Variants in SAMSN1 observed in about 807,000 individuals in gnomAD.
SAMSN1 encodes SAM domain-containing protein SAMSN-1.
A neutral mutation model predicts 42.0 loss-of-function variants in SAMSN1; 31 were observed. That is an observed-to-expected ratio of 0.74 (90% confidence interval 0.55 to 1.00). The LOEUF is 1.00. SAMSN1 is among the 50% of genes least tolerant of loss of function. The pLI is 0.00. For missense variants in SAMSN1, 464 were observed against 439.4 expected, an observed-to-expected ratio of 1.06 and a Z score of -0.50; for synonymous variants, 178 against 151.9, an observed-to-expected ratio of 1.17 and a Z score of -1.26.
intron 2 of SAMSN1, among the ~76,000 whole-genome samples, chr21:14,572,177 T>A (rs1981322519): frequency 6.6e-6 from 1 of 152,172 alleles, no homozygotes; most frequent in South Asian, 2.1e-4. Flanking sequence ...ATGATAAAAA[T>A]TTCCCTTGAA....
chr21:14,487,271 A>G (rs984081854), intron 7 of SAMSN1, among the ~76,000 whole-genome samples: 2 of 152,280 alleles, frequency 1.3e-5, no homozygotes, highest in Admixed American at 1.3e-4. Context: ...AGGAAAATGT[A>G]TAATTTTCTT....
intron 5 of SAMSN1, among the ~76,000 whole-genome samples, chr21:14,607,587 A>C (rs187907747): frequency 6.6e-6 from 1 of 152,310 alleles, no homozygotes; most frequent in Non-Finnish European, 1.5e-5. Flanking sequence ...CAAGACCCTG[A>C]GAAATATCAA....
At chr21:14,513,326 G>T (rs1481239415) in intron 3 of SAMSN1, among the ~76,000 whole-genome samples, 1 of 152,156 alleles carries the variant, frequency 6.6e-6, no homozygotes, top group African/African-American at 2.4e-5. Context: ...ATACACAAAT[G>T]ATATACACTC....
upstream of SAMSN1, among the ~76,000 whole-genome samples, chr21:14,548,134 C>T (rs1038654482): frequency 6.6e-6 from 1 of 152,148 alleles, no homozygotes; most frequent in Non-Finnish European, 1.5e-5. Flanking sequence ...GAACCATTTG[C>T]ACCCTCGACA....
At chr21:14,553,560 C>T (rs1300937650) in intron 2 of SAMSN1, among the ~76,000 whole-genome samples, 1 of 152,160 alleles carries the variant, frequency 6.6e-6, no homozygotes, top group Non-Finnish European at 1.5e-5. Context: ...CTAAGTCTCA[C>T]ATCATGTTTC....
rs115314096 is a variant in SAMSN1 at position 14,513,262 on chromosome 21, G to A, written c.280-689C>T. On this transcript the variant is annotated intron_variant, in intron 3 of 7. Coordinates refer to ENST00000400566, the MANE Select transcript of SAMSN1 (RefSeq NM_022136.5). ...TGAATTTCTTAATATTCATCAGAAT[G>A]TAATTCAACATTCTTTATTTGTGAG... 1.9e-3 allele frequency among the ~76,000 whole-genome samples: 291 copies of A among 152,300 alleles called. 1 individual carries two copies. The highest frequency in any genetic ancestry group is 6.9e-3 in the African/African-American group (286 of 41,566).
At chr21:14,532,339 T>C (rs1037394875) in intron 1 of SAMSN1, among the ~76,000 whole-genome samples, 1 of 152,198 alleles carries the variant, frequency 6.6e-6, no homozygotes, top group African/African-American at 2.4e-5. Context: ...TTAAACACTT[T>C]TTTTCTTAGT....
chr21:14,542,082 C>T (rs922767563), intron 1 of SAMSN1, among the ~76,000 whole-genome samples: 1 of 151,948 alleles, frequency 6.6e-6, no homozygotes, highest in South Asian at 2.1e-4. Context: ...TGTGTGTGGA[C>T]GCCTAGAGAG....
At chr21:14,503,380 T>C (rs73344137) in intron 5 of SAMSN1, among the ~76,000 whole-genome samples, 10,833 of 152,136 alleles carry the variant, frequency 0.071, 1,198 homozygotes, top group African/African-American at 0.24. Context: ...ATGGGGTCCT[T>C]AGTCCTACAA....
intron 2 of SAMSN1, among the ~76,000 whole-genome samples, chr21:14,578,916 A>G (rs1014838441): frequency 9.2e-5 from 14 of 152,156 alleles, no homozygotes; most frequent in Non-Finnish European, 1.9e-4. Context: ...ATTAATAGTA[A>G]GTAACATTCA....
intron 7 of SAMSN1, among the ~76,000 whole-genome samples, chr21:14,592,801 G>A (rs1055047196): frequency 1.3e-5 from 2 of 152,118 alleles, no homozygotes; most frequent in African/African-American, 4.8e-5. Context: ...CCGTGGTAGA[G>A]CCAAGTCCTG....
intron 6 of SAMSN1, among the ~76,000 whole-genome samples, chr21:14,599,698 T>C (rs554872928): frequency 6.6e-6 from 1 of 152,226 alleles, no homozygotes; most frequent in East Asian, 1.9e-4. Context: ...CTTCCTCTTT[T>C]GCCTTGGAAT....
intron 2 of SAMSN1, among the ~76,000 whole-genome samples, chr21:14,628,054 T>G (rs455789): frequency 0.98 from 149,843 of 152,236 alleles, 73,763 homozygotes; most frequent in East Asian, 1. Flanking sequence ...ATTTTTATAG[T>G]AATAGAAAGA....
At chr21:14,600,347 T>G (rs144656404) in intron 6 of SAMSN1, among the ~76,000 whole-genome samples, 29 of 152,334 alleles carry the variant, frequency 1.9e-4, no homozygotes, top group African/African-American at 7.0e-4. Context: ...GTCATATAGA[T>G]AAGTGTTTCT....
intron 1 of SAMSN1, among the ~76,000 whole-genome samples, chr21:14,537,841 C>T (rs149267895): frequency 3.0e-4 from 46 of 152,150 alleles, no homozygotes; most frequent in African/African-American, 1.1e-3. Flanking sequence ...GTTTTCATTT[C>T]GTAGGCCTGG....
At chr21:14,550,116 C>A (rs375726954), upstream of SAMSN1, among the ~76,000 whole-genome samples, 1 of 152,072 alleles carries the variant, frequency 6.6e-6, no homozygotes. Flanking sequence ...AACATCTCAA[C>A]ACCTCCTTGT....
intron 1 of SAMSN1, among the ~76,000 whole-genome samples, chr21:14,534,090 G>C (rs1157319270): frequency 1.3e-5 from 2 of 152,162 alleles, no homozygotes; most frequent in Non-Finnish European, 2.9e-5. Flanking sequence ...TTCTAGGAAT[G>C]GTTACTTTGT....
At chr21:14,604,985 C>G (rs1233042655) in intron 5 of SAMSN1, among the ~76,000 whole-genome samples, 2 of 152,200 alleles carry the variant, frequency 1.3e-5, no homozygotes, top group African/African-American at 2.4e-5. Flanking sequence ...TTGTTTGCCA[C>G]AATAGATTAT....
chr21:14,547,734 T>C (rs538807298), upstream of SAMSN1, among the ~76,000 whole-genome samples: 1 of 152,286 alleles, frequency 6.6e-6, no homozygotes, highest in Non-Finnish European at 1.5e-5. Flanking sequence ...GATTCAAATT[T>C]CACTAATTTA....
Sources: allele counts gnomAD v4.1 joint callset (sites outside exome capture counted in the v4.1 genomes callset), GRCh38; gene constraint gnomAD v4.1.1; transcripts MANE v1.5; gene names NCBI Gene and HGNC (gene_info 2026-07-23, HGNC 2026-07-21).